The following KLHL1 variants were observed in gnomAD, a reference collection of about 807,000 sequenced individuals.
The protein encoded by KLHL1 is kelch like family member 1, also known as kelch-like protein 1.
Under a neutral mutation model 77.7 loss-of-function variants are expected in KLHL1, and 47 were observed. The ratio of observed to expected loss-of-function variants is 0.60; its 90% CI spans 0.48 to 0.77. The LOEUF (loss-of-function observed/expected upper bound fraction) is 0.77, where lower values mean the gene tolerates loss of function less well. KLHL1 is among the 30% of genes least tolerant of loss of function. The probability of loss-of-function intolerance (pLI) is 0.00; values close to 1 mark genes in which losing one functional copy is unlikely to be tolerated. For missense variants in KLHL1, 925 were observed against 910.8 expected (o/e 1.02, Z -0.20); for synonymous variants, 360 against 325.2 (o/e 1.11, Z -1.15).
At chr13:69,956,154 ATATTTGATATATATATTTAT>A (rs1883881221) in intron 3 of KLHL1, among the ~76,000 whole-genome samples, 1 of 140,018 alleles carries the variant, frequency 7.1e-6, no homozygotes, top group African/African-American at 2.7e-5. Flanking sequence ...ATATTTATAT[ATATTTGATATATATATTTAT>A]TATATATCTG....
intron 8 of KLHL1, among the ~76,000 whole-genome samples, chr13:69,723,404 A>G (rs1227305782): frequency 6.6e-6 from 1 of 152,200 alleles, no homozygotes; most frequent in African/African-American, 2.4e-5. Context: ...TAGACAATAT[A>G]TACAAGTATC....
chr13:69,838,931 G>A lies in KLHL1; in HGVS notation c.1414+45C>T, dbSNP rs367690164. Reference sequence around the variant, plus strand: ...CATTACAATATAAAAGCTGCAACACGGTATAACACAGGATGTATAGTTATA... The same window carrying A: ...CATTACAATATAAAAGCTGCAACACAGTATAACACAGGATGTATAGTTATA... On this transcript the variant is annotated intron_variant, in intron 6 of 10. Transcript: ENST00000377844. 4.0e-4 allele frequency: 515 copies of A among 1,273,044 alleles called. 1 individual carries two copies. Among genetic ancestry groups the A allele is most frequent in the Non-Finnish European group, 5.0e-4 (476 of 943,292 alleles). The allele number at this position is 1,273,044 out of a possible 1,614,324, so 78.9% of individuals were successfully genotyped here. A position where few individuals can be genotyped will look rare whatever the true frequency, so the allele number is the denominator to read the frequency against.
chr13:69,879,666 TC>T (rs1747640477), intron 5 of KLHL1, among the ~76,000 whole-genome samples: 2 of 152,142 alleles, frequency 1.3e-5, no homozygotes, highest in African/African-American at 4.8e-5. Context: ...GTCTGTAAAA[TC>T]CTTTATTCAA....
At chr13:69,747,815 T>C (rs926620389) in intron 7 of KLHL1, among the ~76,000 whole-genome samples, 2 of 152,078 alleles carry the variant, frequency 1.3e-5, no homozygotes, top group East Asian at 3.9e-4. Context: ...AACACAATTA[T>C]GAAGATAAAT....
At chr13:70,064,854 T>C (rs1451023433) in intron 1 of KLHL1, among the ~76,000 whole-genome samples, 1 of 152,152 alleles carries the variant, frequency 6.6e-6, no homozygotes, top group African/African-American at 2.4e-5. Flanking sequence ...AAGTCTACAG[T>C]CTGATAAATT....
At chr13:69,913,920 G>A (rs1002196695) in intron 4 of KLHL1, among the ~76,000 whole-genome samples, 7 of 152,170 alleles carry the variant, frequency 4.6e-5, no homozygotes, top group African/African-American at 1.7e-4. Flanking sequence ...AGTGGACTGG[G>A]AAAGGCAGAC....
intron 1 of KLHL1, among the ~76,000 whole-genome samples, chr13:70,060,807 T>C (rs949565076): frequency 2.0e-5 from 3 of 151,532 alleles, no homozygotes; most frequent in South Asian, 2.1e-4. Context: ...GATGGCACCA[T>C]TGCACTCCAA....
intron 2 of KLHL1, among the ~76,000 whole-genome samples, chr13:69,972,502 A>C (rs2137287289): frequency 6.6e-6 from 1 of 151,976 alleles, no homozygotes; most frequent in South Asian, 2.1e-4. Context: ...TGCTTGCTGT[A>C]AAAATTTAAA....
chr13:70,046,538 A>G (rs1886499673), intron 1 of KLHL1, among the ~76,000 whole-genome samples: 1 of 152,160 alleles, frequency 6.6e-6, no homozygotes, highest in Non-Finnish European at 1.5e-5. Flanking sequence ...CCCAGGCTGG[A>G]GTGCAATGGC....
chr13:70,024,825 C>A (rs539227093), intron 1 of KLHL1, among the ~76,000 whole-genome samples: 9 of 151,920 alleles, frequency 5.9e-5, no homozygotes, highest in African/African-American at 2.2e-4. Context: ...CAATTTGATT[C>A]CCTTAAAGAT....
At chr13:69,895,654 G>T (rs1187509115) in intron 4 of KLHL1, among the ~76,000 whole-genome samples, 2 of 151,708 alleles carry the variant, frequency 1.3e-5, no homozygotes, top group African/African-American at 4.8e-5. Context: ...AAATCAAGAT[G>T]CTGGCAAGGT....
At chr13:69,900,889 G>T (rs1235826572) in intron 4 of KLHL1, among the ~76,000 whole-genome samples, 1 of 152,004 alleles carries the variant, frequency 6.6e-6, no homozygotes. Flanking sequence ...CCTTGCATTT[G>T]GTTTCCCTAC....
chr13:70,107,872 C>A lies in KLHL1; in HGVS notation c.-173G>T. 9 of 560,868 alleles carry A rather than the reference C, an allele frequency of 1.6e-5. No homozygotes were observed. Among genetic ancestry groups the A allele is most frequent in the Non-Finnish European group, 1.8e-5 (6 of 330,040 alleles). The allele number at this position is 560,868 out of a possible 1,614,324, so 34.7% of individuals were successfully genotyped here. ...GCGCTCTGCCAGGCGAAGGCTGGAG[C>A]GCAGACGGCAAAGCCGCGCGTTTCA... is the stretch of plus-strand genomic sequence containing the variant. On this transcript the variant is annotated 5_prime_UTR_variant, in exon 1 of 11. Coordinates refer to ENST00000377844, the MANE Select transcript of KLHL1 (RefSeq NM_020866.3).
intron 7 of KLHL1, among the ~76,000 whole-genome samples, chr13:69,779,990 G>C (rs1482467792): frequency 6.6e-6 from 1 of 151,776 alleles, no homozygotes; most frequent in Non-Finnish European, 1.5e-5. Flanking sequence ...TTTTAGTAGA[G>C]ACAGGGTTTC....
chr13:69,762,133 G>C (rs753497207), intron 7 of KLHL1, among the ~76,000 whole-genome samples: 1 of 152,104 alleles, frequency 6.6e-6, no homozygotes, highest in Non-Finnish European at 1.5e-5. Context: ...CCCTCATGGG[G>C]CATTTCTAAA....
chr13:69,886,133 G>C (rs1270324401), intron 4 of KLHL1, among the ~76,000 whole-genome samples: 1 of 151,962 alleles, frequency 6.6e-6, no homozygotes, highest in African/African-American at 2.4e-5. Flanking sequence ...ATTATCATTT[G>C]AACATATTGA....
At chr13:69,838,798 A>G (rs976022844) in intron 6 of KLHL1, among the ~76,000 whole-genome samples, 178 bp downstream of exon 6, 2 of 151,924 alleles carry the variant, frequency 1.3e-5, no homozygotes, top group African/African-American at 4.8e-5. Context: ...GAACTTAAAG[A>G]TGAATAAGAA....
At chr13:69,860,564 A>C (rs896162095) in intron 5 of KLHL1, among the ~76,000 whole-genome samples, 1 of 152,004 alleles carries the variant, frequency 6.6e-6, no homozygotes, top group African/African-American at 2.4e-5. Context: ...AATCCTTTTA[A>C]GCTTAATAAA....
At chr13:69,961,934 T>C (rs956852854) in intron 2 of KLHL1, among the ~76,000 whole-genome samples, 22 of 152,060 alleles carry the variant, frequency 1.4e-4, no homozygotes, top group African/African-American at 5.1e-4. Context: ...AATTTAACTA[T>C]TAGTAACATA....
Sources: allele counts gnomAD v4.1 joint callset (sites outside exome capture counted in the v4.1 genomes callset), GRCh38; gene constraint gnomAD v4.1.1; transcripts MANE v1.5; gene names NCBI Gene and HGNC (gene_info 2026-07-23, HGNC 2026-07-21).